The following SMAD1 variants were observed in gnomAD, a reference collection of about 807,000 sequenced individuals.
SMAD1 encodes SMAD family member 1.
In SMAD1, 6 loss-of-function variants were observed where a neutral mutation model predicts 41.6. The ratio of observed to expected loss-of-function variants is 0.14; its 90% confidence interval spans 0.08 to 0.28. The LOEUF (loss-of-function observed/expected upper bound fraction) is 0.28, where lower values mean the gene tolerates loss of function less well. Ranked by LOEUF, SMAD1 falls within the 10% of genes least tolerant of loss-of-function variation. The pLI is 1.00. For synonymous variants in SMAD1, 206 were observed against 203.2 expected (o/e 1.01, Z -0.12); for missense variants, 379 against 582.6 (o/e 0.65, Z 3.60).
intron 2 of SMAD1, among the ~76,000 whole-genome samples, chr4:145,528,406 CTTTTGTAT>C (rs1318468028): frequency 1.3e-5 from 2 of 151,738 alleles, no homozygotes; most frequent in Non-Finnish European, 2.9e-5. Context: ...CCCGGCCTAA[CTTTTGTAT>C]TTTTTAGTAG....
chr4:145,502,291 GA>G (rs1424853152), intron 1 of SMAD1, among the ~76,000 whole-genome samples: 1 of 152,182 alleles, frequency 6.6e-6, no homozygotes, highest in Non-Finnish European at 1.5e-5. Context: ...ACCGTGTCCT[GA>G]AGGACAGTAT....
chr4:145,541,595 T>G (rs1346281104), intron 3 of SMAD1, among the ~76,000 whole-genome samples: 1 of 152,196 alleles, frequency 6.6e-6, no homozygotes, highest in Non-Finnish European at 1.5e-5. Context: ...GAGTTGTTGC[T>G]TGTTAGCAGC....
intron 1 of SMAD1, among the ~76,000 whole-genome samples, chr4:145,510,714 T>C (rs994285074): frequency 2.0e-5 from 3 of 152,208 alleles, no homozygotes; most frequent in African/African-American, 7.2e-5. Context: ...GCTGTGATAA[T>C]ATGTATATGA....
intron 2 of SMAD1, among the ~76,000 whole-genome samples, chr4:145,520,239 A>G (rs1324416294): frequency 2.0e-5 from 3 of 152,208 alleles, no homozygotes; most frequent in African/African-American, 4.8e-5. Flanking sequence ...AGGTCAAATC[A>G]GTGTGTCAAG....
intron 2 of SMAD1, among the ~76,000 whole-genome samples, chr4:145,533,085 C>T (rs1448458236): frequency 6.6e-6 from 1 of 152,192 alleles, no homozygotes; most frequent in East Asian, 1.9e-4. Context: ...GGATTCCACA[C>T]AGGGAGAGAG....
chr4:145,546,971 C>T, intron 5 of SMAD1, 47 bp downstream of exon 5: 1 of 1,429,264 alleles, frequency 7.0e-7, no homozygotes, highest in Non-Finnish European at 9.9e-7. Context: ...TGTTGTGTCC[C>T]TGTTCCTCCA....
chr4:145,488,399 G>A (rs541452408), intron 1 of SMAD1, among the ~76,000 whole-genome samples: 1 of 151,780 alleles, frequency 6.6e-6, no homozygotes, highest in Non-Finnish European at 1.5e-5. Flanking sequence ...CTGTACTGTG[G>A]ATATTTTGCT....
chr4:145,499,688 T>G (rs1406293906), intron 1 of SMAD1, among the ~76,000 whole-genome samples: 1 of 152,202 alleles, frequency 6.6e-6, no homozygotes, highest in East Asian at 1.9e-4. Context: ...TGTTTAGACT[T>G]GGGTCCCATC....
At chr4:145,533,638 C>T (rs1731444105) in intron 2 of SMAD1, among the ~76,000 whole-genome samples, 1 of 151,930 alleles carries the variant, frequency 6.6e-6, no homozygotes, top group Non-Finnish European at 1.5e-5. Flanking sequence ...GCTCTGTGAT[C>T]ATGCCTGTGA....
At chr4:145,497,002 A>G (rs1004192534) in intron 1 of SMAD1, 2 of 152,208 alleles carry the variant, frequency 1.3e-5, no homozygotes, top group African/African-American at 2.4e-5. Flanking sequence ...CTAAAACACT[A>G]TAGTTAACCG....
intron 5 of SMAD1, 46 bp downstream of exon 5, chr4:145,546,970 C>G: frequency 1.4e-6 from 2 of 1,427,974 alleles, no homozygotes; most frequent in Non-Finnish European, 2.0e-6. Flanking sequence ...CTGTTGTGTC[C>G]CTGTTCCTCC....
At chr4:145,507,949 G>A (rs568118874) in intron 1 of SMAD1, among the ~76,000 whole-genome samples, 1 of 152,182 alleles carries the variant, frequency 6.6e-6, no homozygotes, top group East Asian at 1.9e-4. Context: ...TTAGTCATCA[G>A]CCTGCATTTT....
intron 2 of SMAD1, among the ~76,000 whole-genome samples, chr4:145,522,600 C>T (rs1476716551): frequency 1.3e-5 from 2 of 151,880 alleles, no homozygotes; most frequent in South Asian, 2.1e-4. Context: ...ACTCTGTCTC[C>T]AAAAAAACAA....
chr4:145,531,197 TAA>T (rs781448368), intron 2 of SMAD1, among the ~76,000 whole-genome samples: 2 of 152,242 alleles, frequency 1.3e-5, no homozygotes, highest in Non-Finnish European at 2.9e-5. Context: ...TTCTTCAGCG[TAA>T]AGTTTCCCTG....
chr4:145,491,874 T>A (rs1040518923), intron 1 of SMAD1, among the ~76,000 whole-genome samples: 1 of 152,182 alleles, frequency 6.6e-6, no homozygotes. Context: ...CAGTATTAGA[T>A]TTTATAGTGG....
intron 1 of SMAD1, among the ~76,000 whole-genome samples, chr4:145,496,384 C>T (rs900071325): frequency 6.6e-6 from 1 of 151,940 alleles, no homozygotes; most frequent in African/African-American, 2.4e-5. Flanking sequence ...CTATAGGACT[C>T]GTGTAAGGAT....
chr4:145,498,752 T>C (rs1021725964), intron 1 of SMAD1, among the ~76,000 whole-genome samples: 1 of 152,380 alleles, frequency 6.6e-6, no homozygotes, highest in African/African-American at 2.4e-5. Flanking sequence ...AGTTGTGGTA[T>C]GGTTTTCTTT....
chr4:145,486,298 C>A (rs896333789), intron 1 of SMAD1, among the ~76,000 whole-genome samples: 1 of 152,212 alleles, frequency 6.6e-6, no homozygotes, highest in Non-Finnish European at 1.5e-5. Context: ...TGCTTTTCTG[C>A]ATAATTCTTG....
At chr4:145,489,381 G>T (rs1404233252) in intron 1 of SMAD1, among the ~76,000 whole-genome samples, 1 of 152,212 alleles carries the variant, frequency 6.6e-6, no homozygotes, top group African/African-American at 2.4e-5. Flanking sequence ...AGAGCCCAGT[G>T]CCAGGAGATC....
Sources: allele counts gnomAD v4.1 joint callset (sites outside exome capture counted in the v4.1 genomes callset), GRCh38; gene constraint gnomAD v4.1.1; transcripts MANE v1.5; gene names NCBI Gene and HGNC (gene_info 2026-07-23, HGNC 2026-07-21).